Variants in CEMIP observed in about 807,000 individuals in gnomAD.
CEMIP encodes cell migration-inducing and hyaluronan-binding protein.
In CEMIP, 105 loss-of-function variants were observed where a neutral mutation model predicts 156.9. The observed-to-expected ratio is 0.67, with a 90% CI of 0.57 to 0.79. The LOEUF (loss-of-function observed/expected upper bound fraction) is 0.79, where lower values mean the gene tolerates loss of function less well. Ranked by LOEUF, CEMIP falls within the 30% of genes least tolerant of loss-of-function variation. The pLI is 0.00. For synonymous variants in CEMIP, 676 were observed against 668.4 expected, an observed-to-expected ratio of 1.01 and a Z score of -0.17; for missense variants, 1,457 against 1,769.4, an observed-to-expected ratio of 0.82 and a Z score of 3.17.
intron 24 of CEMIP, 52 bp downstream of exon 24, chr15:80,936,937 T>C (rs769612436): frequency 3.8e-6 from 6 of 1,561,702 alleles, no homozygotes; most frequent in African/African-American, 2.7e-5. Context: ...TAACGATGCC[T>C]TGTTGCAAAG....
intron 10 of CEMIP, among the ~76,000 whole-genome samples, chr15:80,893,899 T>G (rs936784906): frequency 2.0e-5 from 3 of 151,896 alleles, no homozygotes; most frequent in Non-Finnish European, 2.9e-5. Context: ...CCCTTTGGTC[T>G]CTATGCCAAA....
rs3048927 is a variant in CEMIP at position 80,786,556 on chromosome 15, CTGTGTGTGTG to C, written c.-176+6972_-176+6981del. On this transcript the variant is annotated intron_variant, in intron 1 of 29. Coordinates refer to ENST00000394685, the MANE Select transcript of CEMIP (RefSeq NM_001293298.2). ...TGTCTTTAATATTCTGGATGTCTTG[CTGTGTGTGTG>C]TGTGTGTGTGTGTGTGTGTGTGTGT... Among the ~76,000 whole-genome samples, 803 of 140,710 alleles carry C rather than the reference CTGTGTGTGTG, an allele frequency of 5.7e-3. 9 individuals carry two copies. The highest frequency in any genetic ancestry group is 0.02 in the African/African-American group (734 of 36,498). The allele number at this position is 140,710 out of a possible 152,430, so 92.3% of individuals were successfully genotyped here. A position where few individuals can be genotyped will look rare whatever the true frequency, so the allele number is the denominator to read the frequency against.
intron 14 of CEMIP, among the ~76,000 whole-genome samples, chr15:80,919,447 AT>A (rs1900391342): frequency 6.6e-6 from 1 of 152,066 alleles, no homozygotes; most frequent in Non-Finnish European, 1.5e-5. Flanking sequence ...CTCACGTATG[AT>A]ATCTTGCCCC....
intron 1 of CEMIP, among the ~76,000 whole-genome samples, chr15:80,855,045 G>A (rs775712907): frequency 1.3e-5 from 2 of 152,084 alleles, no homozygotes; most frequent in South Asian, 2.1e-4. Flanking sequence ...AAATTAGCTC[G>A]GCATGGTGGT....
intron 1 of CEMIP, among the ~76,000 whole-genome samples, chr15:80,812,305 C>T (rs1896690937): frequency 6.6e-6 from 1 of 152,230 alleles, no homozygotes; most frequent in South Asian, 2.1e-4. Flanking sequence ...CTTTCATCTT[C>T]ATGTCCATCT....
chr15:80,835,412 C>T (rs1474213352), intron 1 of CEMIP, among the ~76,000 whole-genome samples: 1 of 152,246 alleles, frequency 6.6e-6, no homozygotes, highest in African/African-American at 2.4e-5. Context: ...AGGCCCAAGA[C>T]AGGGTAGGAG....
At chr15:80,805,277 G>T (rs964600336) in intron 1 of CEMIP, among the ~76,000 whole-genome samples, 4 of 152,166 alleles carry the variant, frequency 2.6e-5, no homozygotes, top group Non-Finnish European at 4.4e-5. Context: ...GAAGCAAAAG[G>T]AATACACAGA....
In CEMIP at chr15:80,879,742, G is replaced by A. The variant is rs139807903; in HGVS notation, c.268G>A (p.Glu90Lys). Residue 90 changes from glutamate to lysine, a missense_variant, in exon 5 of 30, where the codon GAG (glutamate) becomes AAG (lysine). Transcript: ENST00000394685. ...GGKLVIKDHD[E>K]PIVLRTRHIL... is the part of the protein sequence containing the mutation. The stretch of plus-strand genomic sequence containing the variant: ...CAAGCTGGTCATTAAAGACCACGAC[G>A]AGCCGATTGTTTTGCGAACCCGGCA... 64 of 1,614,182 alleles carry A rather than the reference G, an allele frequency of 4.0e-5. No individual in the cohort carries two copies. In the Admixed American group the frequency reaches 9.2e-4, roughly 23 times the overall value.
At chr15:80,812,807 G>A (rs1043420900) in intron 1 of CEMIP, among the ~76,000 whole-genome samples, 1 of 152,128 alleles carries the variant, frequency 6.6e-6, no homozygotes, top group Non-Finnish European at 1.5e-5. Context: ...AGAAAACACT[G>A]GAATGAAAGT....
At chr15:80,857,221 G>A (rs1282507713) in intron 1 of CEMIP, among the ~76,000 whole-genome samples, 3 of 152,322 alleles carry the variant, frequency 2.0e-5, no homozygotes, top group Admixed American at 6.5e-5. Context: ...ACAGGAGCCC[G>A]GGAGGAAGGC....
rs1596220632 is a variant in CEMIP, at chr15:80,951,259, GAT to G, written c.*2338_*2339del. The G allele has an allele frequency of 6.6e-6, 1 of 152,630 alleles. No homozygotes were observed. The highest frequency in any genetic ancestry group is 1.9e-4 in the East Asian group (1 of 5,196). 9.5% of individuals were successfully genotyped at this position (152,630 alleles called of 1,614,324 possible). ...TCTTTGGCTCAGTTCATTTAAAAAA[GAT>G]ATCTATTTGAAAGTTCTCAGAGTTG... On this transcript the variant is annotated 3_prime_UTR_variant, in exon 30 of 30. Coordinates refer to ENST00000394685, the MANE Select transcript of CEMIP (RefSeq NM_001293298.2).
At chr15:80,816,913 G>A (rs749609610) in intron 1 of CEMIP, among the ~76,000 whole-genome samples, 23 of 152,074 alleles carry the variant, frequency 1.5e-4, no homozygotes, top group Non-Finnish European at 2.9e-4. Context: ...CGGGGTTCTC[G>A]CTCCTCAGGC....
At chr15:80,931,826 T>C in intron 21 of CEMIP, 33 bp from the exon 22 acceptor site, 2 of 1,604,226 alleles carry the variant, frequency 1.2e-6, no homozygotes, top group South Asian at 2.2e-5. Flanking sequence ...TGGAAAACAT[T>C]TAGACTGACA....
intron 9 of CEMIP, 150 bp from the exon 10 acceptor site, chr15:80,889,321 G>A: frequency 9.7e-7 from 1 of 1,034,366 alleles, no homozygotes; most frequent in Non-Finnish European, 1.5e-6. Flanking sequence ...TAGGCAGATT[G>A]ATTAGAGCCA....
At chr15:80,898,561 A>G (rs1171438309) in intron 12 of CEMIP, among the ~76,000 whole-genome samples, 1 of 152,090 alleles carries the variant, frequency 6.6e-6, no homozygotes, top group Non-Finnish European at 1.5e-5. Flanking sequence ...GAAACAAACT[A>G]TTTCTATCAT....
At chr15:80,820,263 G>C (rs1896878972) in intron 1 of CEMIP, among the ~76,000 whole-genome samples, 1 of 152,196 alleles carries the variant, frequency 6.6e-6, no homozygotes, top group African/African-American at 2.4e-5. Context: ...TCAGAGGAAA[G>C]TGGGCAGCCT....
chr15:80,888,743 A>G lies in CEMIP; in HGVS notation c.911A>G (p.Gln304Arg), dbSNP rs146995917. Residue 304 changes from glutamine to arginine, a missense_variant, in exon 9 of 30, where the codon CAG becomes CGG. By Grantham distance (43) the Gln-to-Arg change is conservative. Coordinates refer to ENST00000394685, the MANE Select transcript of CEMIP (RefSeq NM_001293298.2). ...GCTGCCCGGGTATTCAAATTGTTCC[A>G]GACAGAGCATGGCGAATATTTCAAT... is the stretch of plus-strand genomic sequence containing the variant. ...SAAARVFKLF[Q>R]TEHGEYFNVS... 3.3e-4 allele frequency: 540 copies of G among 1,614,168 alleles called. 1 individual carries two copies. Among genetic ancestry groups the G allele is most frequent in the Middle Eastern group, 2.8e-3 (17 of 6,062 alleles).
At chr15:80,895,252 A>C (rs1899177665) in intron 11 of CEMIP, 130 bp downstream of exon 11, 1 of 1,223,862 alleles carries the variant, frequency 8.2e-7, no homozygotes, top group African/African-American at 1.5e-5. Context: ...GTGACACGGG[A>C]GCAGTGGGAG....
chr15:80,863,002 C>A (rs2141772641), intron 1 of CEMIP, among the ~76,000 whole-genome samples: 1 of 152,250 alleles, frequency 6.6e-6, no homozygotes, highest in African/African-American at 2.4e-5. Context: ...AGGCCAGGAC[C>A]CTTCCTCGCT....
Sources: gnomAD v4.1 joint callset for allele counts (sites outside exome capture counted in the v4.1 genomes callset) on GRCh38, gnomAD v4.1.1 for gene constraint, MANE v1.5 for transcripts, NCBI Gene and HGNC (gene_info 2026-07-23, HGNC 2026-07-21) for gene names.